The following TJP1 variants were observed in gnomAD, a reference collection of about 807,000 sequenced individuals.
TJP1 encodes the protein tight junction protein ZO-1.
TJP1 carries 43 observed loss-of-function variants against 194.2 expected under a neutral mutation model. The ratio of observed to expected loss-of-function variants is 0.22; its 90% confidence interval spans 0.17 to 0.29. TJP1 has a LOEUF of 0.29. Ranked by LOEUF, TJP1 falls within the 10% of genes least tolerant of loss-of-function variation. The pLI, the probability that TJP1 is intolerant of heterozygous loss-of-function variation, is 1.00. For synonymous variants in TJP1, 801 were observed against 779.0 expected, an observed-to-expected ratio of 1.03 and a Z score of -0.47; for missense variants, 1,971 against 2,185.7, an observed-to-expected ratio of 0.90 and a Z score of 1.96.
chr15:29,799,174 A>T (rs45611333), intron 2 of TJP1, among the ~76,000 whole-genome samples: 1,921 of 152,274 alleles, frequency 0.013, 43 homozygotes, highest in African/African-American at 0.045. Context: ...TAATAAAAAT[A>T]AATGTAATAT....
chr15:29,772,791 G>T (rs45460699), intron 3 of TJP1, among the ~76,000 whole-genome samples: 2 of 152,116 alleles, frequency 1.3e-5, no homozygotes, highest in Non-Finnish European at 2.9e-5. Context: ...TGGAGACAGG[G>T]TCTCGCTCTG....
intron 1 of TJP1, among the ~76,000 whole-genome samples, chr15:29,956,605 G>T (rs1435540199): frequency 6.6e-6 from 1 of 152,200 alleles, no homozygotes; most frequent in East Asian, 1.9e-4. Context: ...TAGACTGTGG[G>T]TGGTGGCTCA....
intron 1 of TJP1, among the ~76,000 whole-genome samples, chr15:29,818,756 T>TC (rs2050116327): frequency 6.8e-6 from 1 of 147,314 alleles, no homozygotes; most frequent in Admixed American, 6.9e-5. Context: ...GACGTCGTGA[T>TC]CCGCCCCTCC....
intron 2 of TJP1, among the ~76,000 whole-genome samples, chr15:29,909,316 C>T (rs567259510): frequency 3.1e-5 from 4 of 130,558 alleles, no homozygotes; most frequent in Admixed American, 8.7e-5. Flanking sequence ...CCAGCCTGGG[C>T]GACAGAGCAT....
At chr15:29,966,854 T>C (rs7164971) in intron 1 of TJP1, among the ~76,000 whole-genome samples, 3,277 of 152,186 alleles carry the variant, frequency 0.022, 102 homozygotes, top group African/African-American at 0.075. Flanking sequence ...TACCCCCACA[T>C]ACCATCAATC....
At chr15:29,967,091 G>A (rs1482800180) in intron 1 of TJP1, among the ~76,000 whole-genome samples, 1 of 150,700 alleles carries the variant, frequency 6.6e-6, no homozygotes, top group Non-Finnish European at 1.5e-5. Flanking sequence ...TTGGCTCACT[G>A]CAACCTCTGC....
In TJP1 at chr15:29,822,421, G is replaced by T. The variant is rs1006440121; in HGVS notation, c.-393C>A. The T allele has an allele frequency of 2.0e-6, 2 of 991,446 alleles. No homozygotes were observed. Among genetic ancestry groups the T allele is most frequent in the Non-Finnish European group, 2.4e-6 (2 of 834,120 alleles). 61.4% of individuals were successfully genotyped at this position (991,446 alleles called of 1,614,324 possible). On this transcript the variant is annotated 5_prime_UTR_variant, in exon 1 of 28. Coordinates refer to ENST00000614355, the MANE Select transcript of TJP1 (RefSeq NM_001330239.4). The stretch of plus-strand genomic sequence containing the variant: ...TTCCCGGGAACCGGCGGCCGCCAAG[G>T]AACGCGGCGTCCGCTGGCTCAGCCG...
chr15:29,852,482 T>C (rs1261898139), intron 2 of TJP1, among the ~76,000 whole-genome samples: 3 of 152,240 alleles, frequency 2.0e-5, no homozygotes, highest in East Asian at 1.9e-4. Context: ...TGTGAAAAAA[T>C]TGGATCACTT....
In TJP1 at chr15:29,732,785, T is replaced by C. The variant is rs1208021957; in HGVS notation, c.1767A>G (p.Thr589=). ...GGTCTCCGCCTGCTGTTTTTGGAAG[T>C]GTATACTGTACACTGGCTAGCTGCT... ...RAEQLASVQY[T]LPKTAGGDRA... Residue 589 remains threonine, a synonymous_variant, in exon 14 of 28, where the codon ACA becomes ACG. Coordinates refer to ENST00000614355, the MANE Select transcript of TJP1 (RefSeq NM_001330239.4). 4 of 1,612,628 alleles carry C rather than the reference T, an allele frequency of 2.5e-6. No individual in the cohort carries two copies. Among genetic ancestry groups the C allele is most frequent in the Admixed American group, 3.4e-5 (2 of 59,594 alleles).
rs1596039440 is a variant in TJP1 at position 29,822,152 on chromosome 15, G to A, written c.-124C>T. On this transcript the variant is annotated 5_prime_UTR_variant, in exon 1 of 28. Transcript: ENST00000614355. ...GAGAGCGAGCGGGGCACGGGCGGGG[G>A]CGGCCGGAAGGGCCCGGCCCAGGGG... The A allele has an allele frequency of 4.2e-6, 5 of 1,189,028 alleles. No homozygotes were observed. Among genetic ancestry groups the A allele is most frequent in the Admixed American group, 4.5e-5 (1 of 22,206 alleles). 73.7% of individuals were successfully genotyped at this position (1,189,028 alleles called of 1,614,324 possible).
At chr15:29,851,943 C>A (rs902943526) in intron 2 of TJP1, among the ~76,000 whole-genome samples, 11 of 152,098 alleles carry the variant, frequency 7.2e-5, no homozygotes, top group Non-Finnish European at 1.5e-5. Flanking sequence ...AAAAAAATGA[C>A]CCTGGATCTA....
At chr15:29,746,153 C>A (rs975758147) in intron 8 of TJP1, among the ~76,000 whole-genome samples, 1 of 152,064 alleles carries the variant, frequency 6.6e-6, no homozygotes, top group African/African-American at 2.4e-5. Flanking sequence ...CTGAGGCGGG[C>A]GGATCACAAG....
chr15:29,810,879 C>T (rs1433971767), intron 1 of TJP1, among the ~76,000 whole-genome samples: 1 of 152,166 alleles, frequency 6.6e-6, no homozygotes, highest in African/African-American at 2.4e-5. Context: ...TTGAGAGTTT[C>T]CTATGTACTA....
At position 29,833,881 on chromosome 15, in the gene TJP1, A is replaced by ATAT. The variant is rs1555434000; in HGVS notation, c.307-33180_307-33179insATA. Among the ~76,000 whole-genome samples the ATAT allele has an allele frequency of 4.4e-3, 56 of 12,630 alleles. 5 individuals carry two copies. Among genetic ancestry groups the ATAT allele is most frequent in the South Asian group, 0.016 (4 of 250 alleles). The allele number at this position is 12,630 out of a possible 152,430, so 8.3% of individuals were successfully genotyped here. On this transcript the variant is annotated intron_variant, in intron 2 of 28. Transcript: ENST00000356107. Reference sequence around the variant, plus strand: ...AGTATATATATATATATATATATATATTTTTTTTTTTTTTTTTTTTGAGAC... The same window carrying ATAT: ...AGTATATATATATATATATATATATATATTTTTTTTTTTTTTTTTTTTTGAGAC...
At chr15:29,810,345 G>A (rs1364221891) in intron 1 of TJP1, among the ~76,000 whole-genome samples, 2 of 152,152 alleles carry the variant, frequency 1.3e-5, no homozygotes, top group Non-Finnish European at 2.9e-5. Flanking sequence ...CCACTTAAAA[G>A]AAGGTAACTT....
chr15:29,943,900 A>AGG (rs1335502375), intron 2 of TJP1, among the ~76,000 whole-genome samples: 3 of 151,688 alleles, frequency 2.0e-5, no homozygotes, highest in Non-Finnish European at 4.4e-5. Context: ...GTGAGCCAAG[A>AGG]TTGTGCCACT....
chr15:29,720,476 C>G lies in TJP1; in HGVS notation c.2645G>C (p.Arg882Thr). 2.5e-6 allele frequency: 4 copies of G among 1,614,156 alleles called. No homozygotes were observed. Among genetic ancestry groups the G allele is most frequent in the South Asian group, 1.1e-5 (1 of 91,072 alleles). Residue 882 changes from arginine to threonine, a missense_variant, in exon 19 of 28, where the codon AGA becomes ACA. This residue lies in a region of TJP1 where 1,108 missense variants were observed against 1,128.5 expected (regional missense o/e 0.98). Coordinates refer to ENST00000614355, the MANE Select transcript of TJP1 (RefSeq NM_001330239.4). ...SAITRSSEPV[R>T]EDSSGMHHEN... Reference sequence around the variant, plus strand: ...ATGATGCATTCCAGAGGAGTCCTCTCTTACAGGCTCAGAGGACCGTGTAAT... The same window carrying G: ...ATGATGCATTCCAGAGGAGTCCTCTGTTACAGGCTCAGAGGACCGTGTAAT...
chr15:29,871,673 T>G (rs1030302578), intron 2 of TJP1, among the ~76,000 whole-genome samples: 1 of 152,306 alleles, frequency 6.6e-6, no homozygotes, highest in Non-Finnish European at 1.5e-5. Context: ...GTCTTGGGCA[T>G]ACAGCCCCAC....
At chr15:29,936,814 A>C (rs1299808559) in intron 2 of TJP1, among the ~76,000 whole-genome samples, 1 of 152,206 alleles carries the variant, frequency 6.6e-6, no homozygotes, top group African/African-American at 2.4e-5. Context: ...TGGGTTCATA[A>C]GATCCACCTT....
Sources: gnomAD v4.1 joint callset for allele counts (sites outside exome capture counted in the v4.1 genomes callset) on GRCh38, gnomAD v4.1.1 for gene constraint, gnomAD v4.1.1 regional missense constraint, MANE v1.5 for transcripts, NCBI Gene and HGNC (gene_info 2026-07-23, HGNC 2026-07-21) for gene names.